The following GTPBP4 variants were observed in gnomAD, a reference collection of about 807,000 sequenced individuals.
GTPBP4 encodes GTP-binding protein 4.
In GTPBP4, 15 loss-of-function variants were observed where a neutral mutation model predicts 81.7. That is an observed-to-expected ratio of 0.18 (90% CI 0.12 to 0.28). GTPBP4 has a LOEUF of 0.28. GTPBP4 is among the 10% of genes least tolerant of loss of function. The pLI is 1.00. For missense variants in GTPBP4, 847 were observed against 793.8 expected (o/e 1.07, Z -0.81); for synonymous variants, 272 against 274.6 (o/e 0.99, Z 0.09).
chr10:1,002,648 C>T (rs1347436077), intron 8 of GTPBP4, among the ~76,000 whole-genome samples: 1 of 152,060 alleles, frequency 6.6e-6, no homozygotes, highest in Admixed American at 6.6e-5. Context: ...TTTATTTCTC[C>T]CTTATTTCTG....
At chr10:1,015,933 G>A (rs780904803) in intron 16 of GTPBP4, 37 bp downstream of exon 16, 5 of 1,556,502 alleles carry the variant, frequency 3.2e-6, no homozygotes, top group Non-Finnish European at 4.4e-6. Flanking sequence ...TAAAATGACA[G>A]TCTCTGTTGT....
At position 1,006,004 on chromosome 10, in the gene GTPBP4, T is replaced by C. The variant is rs1179436484; in HGVS notation, c.1002+97T>C. On this transcript the variant is annotated intron_variant, in intron 9 of 16. Transcript: ENST00000360803. Reference sequence around the variant, plus strand: ...AAAATAGTTTTCTTTCTAGACATTGTTAACACTTGGAGCCCTCGCAGTAGC... The same window carrying C: ...AAAATAGTTTTCTTTCTAGACATTGCTAACACTTGGAGCCCTCGCAGTAGC... 2.9e-5 allele frequency: 21 copies of C among 717,190 alleles called. No individual in the cohort carries two copies. The East Asian group carries it at 5.5e-4, about 19-fold the overall frequency. 44.4% of individuals were successfully genotyped at this position (717,190 alleles called of 1,614,324 possible).
intron 15 of GTPBP4, among the ~76,000 whole-genome samples, 159 bp downstream of exon 15, chr10:1,014,471 A>G (rs1013722054): frequency 6.6e-6 from 1 of 151,302 alleles, no homozygotes; most frequent in Non-Finnish European, 1.5e-5. Context: ...CCTGGCCAAC[A>G]TGGTGAAACC....
chr10:1,010,491 G>A lies in GTPBP4; in HGVS notation c.1315G>A (p.Ala439Thr). The change falls in exon 13 of 17, where the codon GCT becomes ACT. Residue 439 changes from alanine to threonine, a missense_variant. By Grantham distance (58) the Ala-to-Thr change is moderately conservative. This residue lies in a region of GTPBP4 where 600 missense variants were observed against 557.1 expected (regional missense o/e 1.08). Transcript: ENST00000360803. ...IPEIWEGHNI[A>T]DYIDPAIMKK... ...AGAAATCTGGGAAGGCCATAATATA[G>A]CTGATTATATTGATCCAGCCATCAT... is the stretch of plus-strand genomic sequence containing the variant. The A allele has an allele frequency of 6.4e-7, 1 of 1,560,574 alleles. No individual in the cohort carries two copies. Among genetic ancestry groups the A allele is most frequent in the Non-Finnish European group, 8.8e-7 (1 of 1,131,192 alleles).
chr10:1,019,460 T>C lies in GTPBP4; in HGVS notation c.*2233T>C. ...TGGAGAGGGTGTATCATTGCCTCAATGGTGCGTCTGCCTGCACTGAGGGCA... is the reference window on the plus strand; with the variant it reads ...TGGAGAGGGTGTATCATTGCCTCAACGGTGCGTCTGCCTGCACTGAGGGCA... On this transcript the variant is annotated 3_prime_UTR_variant, in exon 17 of 17. Transcript: ENST00000360803. 7.1e-7 allele frequency: 1 copy of C among 1,409,536 alleles called. No individual in the cohort carries two copies. Among genetic ancestry groups the C allele is most frequent in the Non-Finnish European group, 9.7e-7 (1 of 1,030,460 alleles). 87.3% of individuals were successfully genotyped at this position (1,409,536 alleles called of 1,614,324 possible). A position where few individuals can be genotyped will look rare whatever the true frequency, so the allele number is the denominator to read the frequency against.
In GTPBP4 at chr10:999,029, G is replaced by A; in HGVS notation, c.588G>A (p.Gln196=). ...TGACGAGAGCAGACGTGGATGTCCA[G>A]CCCTATGCGTTCACAACCAAGTCTC... ...NKVTRADVDV[Q]PYAFTTKSLF... is the part of the protein sequence containing the mutation. The change falls in exon 6 of 17, where the codon CAG becomes CAA. Residue 196 remains glutamine (Q), a synonymous_variant. Coordinates refer to ENST00000360803, the MANE Select transcript of GTPBP4 (RefSeq NM_012341.3). The A allele has an allele frequency of 1.2e-6, 2 of 1,608,098 alleles. No individual in the cohort carries two copies. The highest frequency in any genetic ancestry group is 2.2e-5 in the South Asian group (2 of 90,940).
intron 9 of GTPBP4, 127 bp downstream of exon 9, chr10:1,006,034 C>T (rs555456161): frequency 1.7e-5 from 10 of 599,090 alleles, no homozygotes; most frequent in East Asian, 5.8e-5. Context: ...AGTAGCGAGG[C>T]GGGTGGCGTG....
Position 1,017,266 on chromosome 10 carries a change from G to T in GTPBP4, c.*39G>T, listed in dbSNP as rs1832010537. ...GGCGTGGCTTCGCTAGAGTGTTGCTGTTTATTTCCTGGTTTGGCACAGTAT... is the reference window on the plus strand; with the variant it reads ...GGCGTGGCTTCGCTAGAGTGTTGCTTTTTATTTCCTGGTTTGGCACAGTAT... On this transcript the variant is annotated 3_prime_UTR_variant, in exon 17 of 17. Coordinates refer to ENST00000360803, the MANE Select transcript of GTPBP4 (RefSeq NM_012341.3). The T allele has an allele frequency of 6.3e-7, 1 of 1,585,156 alleles. No homozygotes were observed. Among genetic ancestry groups the T allele is most frequent in the Non-Finnish European group, 8.6e-7 (1 of 1,156,984 alleles).
intron 8 of GTPBP4, among the ~76,000 whole-genome samples, chr10:1,001,657 G>A (rs961514740): frequency 2.7e-5 from 4 of 146,700 alleles, no homozygotes; most frequent in Non-Finnish European, 5.9e-5. Context: ...GTCATTCTGG[G>A]ACATGTTTAT....
At chr10:995,748 C>T (rs577954745) in intron 2 of GTPBP4, among the ~76,000 whole-genome samples, 181 bp from the exon 3 acceptor site, 91 of 152,202 alleles carry the variant, frequency 6.0e-4, no homozygotes, top group African/African-American at 1.7e-3. Flanking sequence ...TGTCGGCACC[C>T]GCATCCCTTC....
At chr10:988,712 A>G (rs1831387281) in intron 1 of GTPBP4, 185 bp downstream of exon 1, 2 of 599,400 alleles carry the variant, frequency 3.3e-6, no homozygotes, top group Non-Finnish European at 6.0e-6. Flanking sequence ...TCCGGGGTCC[A>G]CCAGAGATCG....
intron 8 of GTPBP4, among the ~76,000 whole-genome samples, chr10:1,002,702 C>G (rs1306522492): frequency 6.6e-6 from 1 of 151,976 alleles, no homozygotes; most frequent in East Asian, 1.9e-4. Flanking sequence ...TGGCAGTCTT[C>G]TTTTTTTTCT....
rs1832032976 is a variant in GTPBP4 at position 1,018,695 on chromosome 10, C to T, written c.*1468C>T. 6.6e-6 allele frequency: 1 copy of T among 151,422 alleles called. No individual in the cohort carries two copies. The highest frequency in any genetic ancestry group is 2.4e-5 in the African/African-American group (1 of 41,104). The allele number at this position is 151,422 out of a possible 1,614,324, so 9.4% of individuals were successfully genotyped here. A position where few individuals can be genotyped will look rare whatever the true frequency, so the allele number is the denominator to read the frequency against. On this transcript the variant is annotated 3_prime_UTR_variant, in exon 17 of 17. Transcript: ENST00000360803. ...TGGTGGCGGGCGCCTGTAGTCCCAA[C>T]TACTTGGGAGGCTGAGGCAGGAGAA...
In GTPBP4 at chr10:988,442, C is replaced by A. The variant is rs779445981; in HGVS notation, c.-38C>A. On this transcript the variant is annotated 5_prime_UTR_variant, in exon 1 of 17. Transcript: ENST00000360803. ...CACCTGCGCCCGACGGCGGAAGTTC[C>A]GGGAGTGCCAAGTACCCGCGTGCAT... The A allele has an allele frequency of 6.3e-7, 1 of 1,595,480 alleles. No individual in the cohort carries two copies.
Position 1,000,849 on chromosome 10 carries a change from G to T in GTPBP4, c.827G>T (p.Arg276Ile). ...REQLELFQNI[R>I]PLFINKPLIV... ...CAGCTAGAACTCTTCCAGAACATCA[G>T]ACCTCTCTTCATCAACAAGGTGTGT... The change falls in exon 7 of 17, where the codon AGA (arginine) becomes ATA (isoleucine). Residue 276 changes from arginine (R) to isoleucine (I), a missense_variant. Around this residue, in one of 3 missense-constraint regions of GTPBP4, gnomAD observed 600 missense variants for 557.1 expected, o/e 1.08. Coordinates refer to ENST00000360803, the MANE Select transcript of GTPBP4 (RefSeq NM_012341.3). 1 of 1,611,010 alleles carries T rather than the reference G, an allele frequency of 6.2e-7. No homozygotes were observed. Among genetic ancestry groups the T allele is most frequent in the Admixed American group, 1.7e-5 (1 of 59,838 alleles).
At chr10:1,002,597 AG>A (rs773901312) in intron 8 of GTPBP4, among the ~76,000 whole-genome samples, 132 of 152,186 alleles carry the variant, frequency 8.7e-4, no homozygotes, top group Non-Finnish European at 7.2e-4. Context: ...AGGCTGGTCT[AG>A]TAGTGACGAA....
chr10:1,001,682 GT>G (rs35451774), intron 8 of GTPBP4, among the ~76,000 whole-genome samples: 314 of 141,992 alleles, frequency 2.2e-3, no homozygotes, highest in African/African-American at 3.9e-3. Context: ...CTCATGGGTG[GT>G]TTTTTTTTTT....
In GTPBP4 at chr10:1,007,708, C is replaced by T. The variant is rs143416635; in HGVS notation, c.1113+580C>T. Reference sequence around the variant, plus strand: ...GTTGACAACGTTCCTGTCCCACAGACGCCTTCCTGGTGTGTGCTGCACTGA... The same window carrying T: ...GTTGACAACGTTCCTGTCCCACAGATGCCTTCCTGGTGTGTGCTGCACTGA... On this transcript the variant is annotated intron_variant, in intron 10 of 16. Transcript: ENST00000360803. Among the ~76,000 whole-genome samples the T allele has an allele frequency of 5.2e-3, 798 of 152,356 alleles. 8 individuals are homozygous for T. The highest frequency in any genetic ancestry group is 0.017 in the African/African-American group (722 of 41,578).
At position 1,012,678 on chromosome 10, in the gene GTPBP4, T is replaced by C. The variant is rs1589031782; in HGVS notation, c.1542+16T>C. On this transcript the variant is annotated intron_variant, in intron 14 of 16. Coordinates refer to ENST00000360803, the MANE Select transcript of GTPBP4 (RefSeq NM_012341.3). ...TGCTAAGAAGGCAAGTTTGTGTCTT[T>C]CCAAAGCAGTGTGATCTAGTTTTTG... 6 of 1,588,244 alleles carry C rather than the reference T, an allele frequency of 3.8e-6. No individual in the cohort carries two copies. In the East Asian group the frequency reaches 1.3e-4, roughly 36 times the overall value.
Sources: allele counts gnomAD v4.1 joint callset (sites outside exome capture counted in the v4.1 genomes callset), GRCh38; gene constraint gnomAD v4.1.1; regional missense constraint gnomAD v4.1.1; transcripts MANE v1.5; gene names NCBI Gene and HGNC (gene_info 2026-07-23, HGNC 2026-07-21).